The following WDPCP variants were observed in gnomAD, a reference collection of about 807,000 sequenced individuals.
WDPCP encodes WD repeat-containing and planar cell polarity effector protein fritz homolog.
In WDPCP, 71 loss-of-function variants were observed where a neutral mutation model predicts 93.1. That is an observed-to-expected ratio of 0.76 (90% CI 0.63 to 0.93). WDPCP has a LOEUF of 0.93. Ranked by LOEUF, WDPCP falls within the 40% of genes least tolerant of loss-of-function variation. The probability of loss-of-function intolerance (pLI) is 0.00; values close to 1 mark genes in which losing one functional copy is unlikely to be tolerated. For missense variants in WDPCP, 844 were observed against 887.4 expected, an observed-to-expected ratio of 0.95 and a Z score of 0.62; for synonymous variants, 315 against 315.0, an observed-to-expected ratio of 1.00 and a Z score of 0.00.
At chr2:63,322,146 C>CCAATG (rs1687152301) in intron 12 of WDPCP, among the ~76,000 whole-genome samples, 1 of 152,098 alleles carries the variant, frequency 6.6e-6, no homozygotes, top group Non-Finnish European at 1.5e-5. Flanking sequence ...TTCTGTCTAG[C>CCAATG]TAAAGGATTG....
chr2:63,188,835 C>T (rs1674827537), intron 14 of WDPCP, among the ~76,000 whole-genome samples: 1 of 152,076 alleles, frequency 6.6e-6, no homozygotes, highest in Non-Finnish European at 1.5e-5. Context: ...TTCCTTTGGT[C>T]AGGCCATGGT....
intron 14 of WDPCP, among the ~76,000 whole-genome samples, chr2:63,192,168 T>C (rs1675101933): frequency 6.6e-6 from 1 of 152,210 alleles, no homozygotes; most frequent in Non-Finnish European, 1.5e-5. Context: ...AAATTCCATT[T>C]CACAGCAAGA....
In WDPCP at chr2:63,438,459, G is replaced by C. The variant is rs139505745; in HGVS notation, c.500-905C>G. Among the ~76,000 whole-genome samples the C allele has an allele frequency of 4.4e-3, 671 of 152,180 alleles. 9 individuals carry two copies. Among genetic ancestry groups the C allele is most frequent in the African/African-American group, 0.015 (629 of 41,538 alleles). Reference sequence around the variant, plus strand: ...AATACATGAAAAAGGATAACTCAGAGACACGAATTGTGCTGAAAGTTTCCT... The same window carrying C: ...AATACATGAAAAAGGATAACTCAGACACACGAATTGTGCTGAAAGTTTCCT... On this transcript the variant is annotated intron_variant, in intron 7 of 17. Transcript: ENST00000272321.
intron 2 of WDPCP, among the ~76,000 whole-genome samples, chr2:63,759,593 C>T (rs187995065): frequency 6.6e-6 from 1 of 152,304 alleles, no homozygotes; most frequent in African/African-American, 2.4e-5. Flanking sequence ...TTTAAATTTG[C>T]CATTTAATGT....
chr2:63,806,326 C>G (rs940634143), intron 2 of WDPCP, among the ~76,000 whole-genome samples: 8 of 152,052 alleles, frequency 5.3e-5, no homozygotes, highest in African/African-American at 1.9e-4. Context: ...CAAAAACCAG[C>G]AAGTTTTTAT....
At chr2:63,361,778 T>A (rs1315307880) in intron 12 of WDPCP, among the ~76,000 whole-genome samples, 1 of 152,138 alleles carries the variant, frequency 6.6e-6, no homozygotes, top group Non-Finnish European at 1.5e-5. Flanking sequence ...AGAGGAGCAG[T>A]GAGGACAAGG....
At chr2:63,832,437 G>T (rs983964408), upstream of WDPCP, among the ~76,000 whole-genome samples, 1 of 151,630 alleles carries the variant, frequency 6.6e-6, no homozygotes, top group African/African-American at 2.4e-5. Context: ...GGTGGGGGGG[G>T]GAAATTCCAC....
intron 3 of WDPCP, among the ~76,000 whole-genome samples, chr2:63,634,421 T>C (rs1709900793): frequency 6.6e-6 from 1 of 152,168 alleles, no homozygotes; most frequent in Non-Finnish European, 1.5e-5. Context: ...AATACAATAA[T>C]AGTAGAAACT....
upstream of WDPCP, chr2:63,588,939 T>G: frequency 1.9e-6 from 3 of 1,547,864 alleles, no homozygotes; most frequent in Non-Finnish European, 1.8e-6. Flanking sequence ...GAGCCTTTTC[T>G]CGCTAACACC....
At chr2:63,304,529 G>A (rs1685571017) in intron 13 of WDPCP, among the ~76,000 whole-genome samples, 2 of 152,186 alleles carry the variant, frequency 1.3e-5, no homozygotes, top group South Asian at 4.1e-4. Flanking sequence ...GGACTGTGCT[G>A]TGAGGGACTG....
intron 17 of WDPCP, among the ~76,000 whole-genome samples, chr2:63,125,543 T>A (rs1360526288): frequency 1.3e-5 from 2 of 152,176 alleles, no homozygotes; most frequent in Non-Finnish European, 2.9e-5. Context: ...TTCCCCTACC[T>A]CAGCCTCCAA....
At chr2:63,459,972 A>G (rs933768008) in intron 6 of WDPCP, among the ~76,000 whole-genome samples, 1 of 152,178 alleles carries the variant, frequency 6.6e-6, no homozygotes, top group Admixed American at 6.5e-5. Flanking sequence ...CAGAAATCCT[A>G]CTACTTGGTA....
chr2:63,337,529 A>C (rs1688469522), intron 12 of WDPCP, among the ~76,000 whole-genome samples: 1 of 152,200 alleles, frequency 6.6e-6, no homozygotes, highest in South Asian at 2.1e-4. Flanking sequence ...AGCAGTAGTA[A>C]AATGGCTGAA....
chr2:63,189,411 T>G (rs1674874815), intron 14 of WDPCP, among the ~76,000 whole-genome samples: 1 of 152,374 alleles, frequency 6.6e-6, no homozygotes, highest in Admixed American at 6.5e-5. Flanking sequence ...GCCTGAGTCC[T>G]GTAGTCCATT....
Position 63,404,589 on chromosome 2 carries a change from C to G in WDPCP, c.894G>C (p.Gln298His). 2 of 1,614,036 alleles carry G rather than the reference C, an allele frequency of 1.2e-6. No homozygotes were observed. Among genetic ancestry groups the G allele is most frequent in the Non-Finnish European group, 1.7e-6 (2 of 1,179,986 alleles). Residue 298 changes from glutamine to histidine, a missense_variant, in exon 10 of 18, where the codon CAG becomes CAC. Coordinates refer to ENST00000272321, the MANE Select transcript of WDPCP (RefSeq NM_015910.7). ...DVRFGTKQPY[Q>H]VFTVEHSVSV... ...TTACGGAGTGCTCCACTGTGAACAC[C>G]TGATAAGGCTGTTTGGTGCCAAAGC...
chr2:63,708,422 G>A (rs546437115), intron 2 of WDPCP, among the ~76,000 whole-genome samples: 7 of 152,342 alleles, frequency 4.6e-5, no homozygotes, highest in African/African-American at 7.2e-5. Flanking sequence ...AGGACCTTCC[G>A]AGCCAGGTGT....
chr2:63,550,192 A>AACACACACACAC (rs56155473), intron 1 of WDPCP, among the ~76,000 whole-genome samples: 20 of 44,346 alleles, frequency 4.5e-4, no homozygotes, highest in Non-Finnish European at 6.2e-4. Context: ...CATCTTAAGA[A>AACACACACACAC]ACACACACAC....
At chr2:63,744,661 C>T (rs1192393807) in intron 2 of WDPCP, among the ~76,000 whole-genome samples, 2 of 152,098 alleles carry the variant, frequency 1.3e-5, no homozygotes, top group Non-Finnish European at 2.9e-5. Flanking sequence ...AATTTACAAT[C>T]ACATTTTTCT....
chr2:63,131,203 G>C (rs1185420319), intron 17 of WDPCP, among the ~76,000 whole-genome samples: 2 of 152,132 alleles, frequency 1.3e-5, no homozygotes. Flanking sequence ...GATATGGAAG[G>C]ATTTACTATT....
Sources: gnomAD v4.1 joint callset for allele counts (sites outside exome capture counted in the v4.1 genomes callset) on GRCh38, gnomAD v4.1.1 for gene constraint, MANE v1.5 for transcripts, NCBI Gene and HGNC (gene_info 2026-07-23, HGNC 2026-07-21) for gene names.